FARSB: variants seen among roughly 807,000 people sequenced by gnomAD.
FARSB encodes the protein phenylalanyl-tRNA synthetase subunit beta.
In FARSB, 40 loss-of-function variants were observed where a neutral mutation model predicts 69.6. That is an observed-to-expected ratio of 0.57 (90% CI 0.45 to 0.75). The LOEUF (loss-of-function observed/expected upper bound fraction) is 0.75, where lower values mean the gene tolerates loss of function less well. Among genes scored for constraint, FARSB ranks in the 30% least tolerant of loss-of-function variants. The pLI is 0.00. For synonymous variants in FARSB, 235 were observed against 247.2 expected (o/e 0.95, Z 0.46); for missense variants, 632 against 722.9 (o/e 0.87, Z 1.44).
At chr2:222,647,341 T>C (rs1393835021) in intron 2 of FARSB, among the ~76,000 whole-genome samples, 1 of 152,108 alleles carries the variant, frequency 6.6e-6, no homozygotes, top group Non-Finnish European at 1.5e-5. Context: ...ACAAAGATGG[T>C]AGGTAAGGTA....
intron 2 of FARSB, among the ~76,000 whole-genome samples, chr2:222,645,896 T>C (rs1691840198): frequency 1.3e-5 from 2 of 152,160 alleles, no homozygotes; most frequent in African/African-American, 2.4e-5. Context: ...CAGTTATGTC[T>C]ACTAGGTGAA....
intron 2 of FARSB, among the ~76,000 whole-genome samples, chr2:222,646,372 T>C (rs1198220196): frequency 6.6e-6 from 1 of 152,222 alleles, no homozygotes; most frequent in East Asian, 1.9e-4. Flanking sequence ...TATTTCCATA[T>C]CGCACAGTTT....
At chr2:222,621,344 A>G (rs1349097810) in intron 13 of FARSB, among the ~76,000 whole-genome samples, 3 of 152,138 alleles carry the variant, frequency 2.0e-5, no homozygotes, top group Non-Finnish European at 4.4e-5. Context: ...ACTGGAGTTC[A>G]GTGGTGCAAT....
At chr2:222,636,238 C>T (rs1200279860) in intron 5 of FARSB, among the ~76,000 whole-genome samples, 1 of 151,870 alleles carries the variant, frequency 6.6e-6, no homozygotes, top group Non-Finnish European at 1.5e-5. Context: ...AACCCCGTCT[C>T]TACTAAAAAT....
chr2:222,597,075 A>T (rs905734201), intron 16 of FARSB, among the ~76,000 whole-genome samples: 16 of 152,160 alleles, frequency 1.1e-4, no homozygotes, highest in Middle Eastern at 3.2e-3. Flanking sequence ...TCAGAGCTAG[A>T]TGTGTGCCCA....
At chr2:222,639,792 C>G (rs1691671811) in intron 4 of FARSB, 97 bp from the exon 5 acceptor site, 1 of 461,662 alleles carries the variant, frequency 2.2e-6, no homozygotes. Flanking sequence ...CACTGGCATA[C>G]ATTTTCATTC....
chr2:222,655,005 T>G (rs956801288), intron 1 of FARSB, among the ~76,000 whole-genome samples: 2 of 152,086 alleles, frequency 1.3e-5, no homozygotes, highest in African/African-American at 4.8e-5. Context: ...AAGACCAGCC[T>G]GGCCAAGATG....
intron 8 of FARSB, 118 bp downstream of exon 8, chr2:222,631,486 T>G: frequency 1.4e-6 from 1 of 694,918 alleles, no homozygotes; most frequent in Admixed American, 2.6e-5. Context: ...TCTAAATTTC[T>G]AAAATATGTT....
chr2:222,573,419 G>A (rs1423197345), intron 16 of FARSB, among the ~76,000 whole-genome samples: 2 of 152,144 alleles, frequency 1.3e-5, no homozygotes, highest in Admixed American at 6.6e-5. Flanking sequence ...TGGGGTGAGG[G>A]ATAGGGAGGG....
chr2:222,584,198 CT>C (rs1690045034), intron 16 of FARSB, among the ~76,000 whole-genome samples: 1 of 152,010 alleles, frequency 6.6e-6, no homozygotes, highest in Non-Finnish European at 1.5e-5. Flanking sequence ...ATCAGATTAG[CT>C]CTCAAACAGT....
chr2:222,638,072 G>A (rs915313460), intron 5 of FARSB, among the ~76,000 whole-genome samples: 6 of 152,188 alleles, frequency 3.9e-5, no homozygotes, highest in Non-Finnish European at 7.4e-5. Context: ...ACAGAGGAAT[G>A]AAAGAGGTGA....
At chr2:222,602,227 T>A (rs1690579857) in intron 15 of FARSB, among the ~76,000 whole-genome samples, 1 of 152,074 alleles carries the variant, frequency 6.6e-6, no homozygotes, top group Non-Finnish European at 1.5e-5. Context: ...TGGGATTAGG[T>A]ATGGGAAAAA....
chr2:222,584,237 T>C (rs1257072674), intron 16 of FARSB, among the ~76,000 whole-genome samples: 2 of 152,174 alleles, frequency 1.3e-5, no homozygotes, highest in Non-Finnish European at 2.9e-5. Flanking sequence ...TGCATACCAC[T>C]TGCATTTTTA....
At chr2:222,605,193 C>CTCTG (rs762324554) in intron 15 of FARSB, among the ~76,000 whole-genome samples, 3 of 151,732 alleles carry the variant, frequency 2.0e-5, no homozygotes, top group Non-Finnish European at 2.9e-5. Flanking sequence ...CTCTCTCTCT[C>CTCTG]TGTGTCTCCC....
At chr2:222,574,118 G>C (rs528960870) in intron 16 of FARSB, among the ~76,000 whole-genome samples, 1 of 152,050 alleles carries the variant, frequency 6.6e-6, no homozygotes, top group East Asian at 1.9e-4. Context: ...AGAGATAAGA[G>C]CTTAGAATTT....
chr2:222,584,695 C>G (rs1690061615), intron 16 of FARSB, among the ~76,000 whole-genome samples: 1 of 152,210 alleles, frequency 6.6e-6, no homozygotes, highest in South Asian at 2.1e-4. Context: ...GAGATTATAT[C>G]CCATGCCTGG....
chr2:222,626,877 C>T (rs568084041), intron 10 of FARSB, among the ~76,000 whole-genome samples: 1 of 150,686 alleles, frequency 6.6e-6, no homozygotes, highest in Non-Finnish European at 1.5e-5. Flanking sequence ...ACTAAAAATA[C>T]AAAAAAAAAT....
At chr2:222,620,244 T>C (rs926221507) in intron 13 of FARSB, among the ~76,000 whole-genome samples, 2 of 152,208 alleles carry the variant, frequency 1.3e-5, no homozygotes, top group Non-Finnish European at 2.9e-5. Flanking sequence ...CTAATGACTC[T>C]AGTCAGAAAC....
intron 4 of FARSB, 116 bp from the exon 5 acceptor site, chr2:222,639,811 A>G (rs1218979944): frequency 4.7e-6 from 2 of 423,862 alleles, no homozygotes; most frequent in South Asian, 8.1e-5. Flanking sequence ...TCAAACAAGT[A>G]TATATTAATT....
Sources: gnomAD v4.1 joint callset for allele counts (sites outside exome capture counted in the v4.1 genomes callset) on GRCh38, gnomAD v4.1.1 for gene constraint, MANE v1.5 for transcripts, NCBI Gene and HGNC (gene_info 2026-07-23, HGNC 2026-07-21) for gene names.